Variants in NRXN3 observed in about 807,000 individuals in gnomAD.
NRXN3 encodes the protein neurexin 3.
NRXN3 carries 32 observed loss-of-function variants against 137.6 expected under a neutral mutation model. The ratio of observed to expected loss-of-function variants is 0.23; its 90% CI spans 0.18 to 0.31. NRXN3 has a LOEUF of 0.31. NRXN3 is among the 10% of genes least tolerant of loss of function. The pLI, the probability that NRXN3 is intolerant of heterozygous loss-of-function variation, is 1.00. For missense variants in NRXN3, 1,574 were observed against 2,062.5 expected (o/e 0.76, Z 4.59); for synonymous variants, 798 against 784.5 (o/e 1.02, Z -0.29).
At chr14:78,904,973 T>C (rs921570135) in intron 10 of NRXN3, among the ~76,000 whole-genome samples, 17 of 152,036 alleles carry the variant, frequency 1.1e-4, no homozygotes, top group African/African-American at 3.6e-4. Flanking sequence ...ATTTTCCTCT[T>C]TCAACATGAT....
intron 15 of NRXN3, among the ~76,000 whole-genome samples, chr14:79,043,206 A>G (rs2099627851): frequency 6.6e-6 from 1 of 152,324 alleles, no homozygotes; most frequent in African/African-American, 2.4e-5. Flanking sequence ...TGTACAATTT[A>G]TTGCCCTATG....
chr14:79,059,738 T>G (rs1179430551), intron 15 of NRXN3, among the ~76,000 whole-genome samples: 1 of 152,206 alleles, frequency 6.6e-6, no homozygotes, highest in Non-Finnish European at 1.5e-5. Flanking sequence ...TTCATTTTTG[T>G]AAATTCTCAT....
intron 10 of NRXN3, among the ~76,000 whole-genome samples, chr14:78,874,501 TTG>T (rs2099109039): frequency 6.6e-6 from 1 of 152,078 alleles, no homozygotes; most frequent in South Asian, 2.1e-4. Context: ...TATCTTCCAT[TTG>T]CTACCCACCA....
chr14:79,755,997 C>A (rs1264249862), intron 19 of NRXN3, among the ~76,000 whole-genome samples: 1 of 152,108 alleles, frequency 6.6e-6, no homozygotes, highest in Non-Finnish European at 1.5e-5. Context: ...CATTTACTTT[C>A]TGGCTTCTAC....
chr14:78,905,621 C>T (rs962553486), intron 10 of NRXN3, among the ~76,000 whole-genome samples: 2 of 151,920 alleles, frequency 1.3e-5, no homozygotes, highest in African/African-American at 2.4e-5. Flanking sequence ...CATTTTCTTT[C>T]CCAGCACCTA....
At chr14:78,924,545 G>T (rs972136554) in intron 10 of NRXN3, among the ~76,000 whole-genome samples, 2 of 152,060 alleles carry the variant, frequency 1.3e-5, no homozygotes, top group African/African-American at 4.8e-5. Flanking sequence ...TATTGTCAGA[G>T]TAGAAACATT....
In NRXN3 at chr14:79,532,126, C is replaced by A. The variant is rs79025339; in HGVS notation, c.3444+64724C>A. On this transcript the variant is annotated intron_variant, in intron 16 of 20. Transcript: ENST00000335750. ...CTTCTCTTCTCAATGTTCTGAAAAT[C>A]TTGTGTTCTAAAGGGACTTGAATAA... Among the ~76,000 whole-genome samples the A allele has an allele frequency of 6.4e-3, 969 of 152,212 alleles. 11 individuals carry two copies. Among genetic ancestry groups the A allele is most frequent in the Middle Eastern group, 0.041 (12 of 292 alleles).
At chr14:78,451,738 T>G (rs1320619493) in intron 4 of NRXN3, among the ~76,000 whole-genome samples, 1 of 152,220 alleles carries the variant, frequency 6.6e-6, no homozygotes, top group Non-Finnish European at 1.5e-5. Context: ...AGGACAATGT[T>G]TAACCCAAAG....
chr14:78,414,410 G>A (rs1364218334), intron 4 of NRXN3, among the ~76,000 whole-genome samples: 1 of 152,158 alleles, frequency 6.6e-6, no homozygotes, highest in East Asian at 1.9e-4. Flanking sequence ...GATACATTGT[G>A]TCTAGTCACC....
At chr14:78,850,987 G>A (rs1399008239) in intron 10 of NRXN3, among the ~76,000 whole-genome samples, 1 of 152,136 alleles carries the variant, frequency 6.6e-6, no homozygotes, top group Non-Finnish European at 1.5e-5. Flanking sequence ...AGTATTTTAA[G>A]ATTCTGTATT....
At chr14:78,371,505 T>G (rs1205278125) in intron 4 of NRXN3, among the ~76,000 whole-genome samples, 1 of 152,246 alleles carries the variant, frequency 6.6e-6, no homozygotes, top group Non-Finnish European at 1.5e-5. Context: ...CAGGATGCCC[T>G]GGATGTGGGA....
rs1339010979 is a variant in NRXN3 at position 78,803,700 on chromosome 14, G to A, written c.2125G>A (p.Val709Met). 1.2e-6 allele frequency: 2 copies of A among 1,614,170 alleles called. No individual in the cohort carries two copies. Among genetic ancestry groups the A allele is most frequent in the Non-Finnish European group, 1.7e-6 (2 of 1,180,008 alleles). The change falls in exon 9 of 21, where the codon GTG (valine) becomes ATG (methionine). Residue 709 changes from valine to methionine, a missense_variant. Physicochemically the swap from Val to Met is conservative, Grantham distance 21 (BLOSUM62 1). Around this residue, in one of 5 missense-constraint regions of NRXN3, gnomAD observed 718 missense variants for 887.6 expected, o/e 0.81. Transcript: ENST00000335750. ...PMVMHTEAED[V>M]SFRFMSQRAY... is the part of the protein sequence containing the mutation. ...GGTCATGCATACTGAGGCAGAGGAT[G>A]TGTCCTTCCGCTTCATGTCCCAGCG...
At chr14:78,543,771 T>G (rs1433476172) in intron 4 of NRXN3, among the ~76,000 whole-genome samples, 1 of 152,192 alleles carries the variant, frequency 6.6e-6, no homozygotes, top group Non-Finnish European at 1.5e-5. Flanking sequence ...TGGGAATTAT[T>G]TCTCATTTCG....
At chr14:79,083,146 T>C (rs1000238509) in intron 15 of NRXN3, among the ~76,000 whole-genome samples, 103 of 152,328 alleles carry the variant, frequency 6.8e-4, no homozygotes, top group African/African-American at 2.3e-3. Context: ...TTGTACTAAG[T>C]CTAAGCTTGT....
At chr14:78,492,285 T>G (rs2095683982) in intron 4 of NRXN3, among the ~76,000 whole-genome samples, 1 of 152,158 alleles carries the variant, frequency 6.6e-6, no homozygotes, top group Admixed American at 6.6e-5. Flanking sequence ...GATTTTTTTA[T>G]ATTGAGAAGT....
chr14:79,747,815 C>G (rs958378965), intron 19 of NRXN3, among the ~76,000 whole-genome samples: 3 of 152,056 alleles, frequency 2.0e-5, no homozygotes, highest in African/African-American at 7.2e-5. Context: ...AACTTGGGCC[C>G]TGGAGTCAAA....
At chr14:79,135,124 C>T (rs1295318966) in intron 15 of NRXN3, among the ~76,000 whole-genome samples, 1 of 152,108 alleles carries the variant, frequency 6.6e-6, no homozygotes, top group South Asian at 2.1e-4. Context: ...TGAGACACAT[C>T]TTGACTAAAA....
intron 16 of NRXN3, among the ~76,000 whole-genome samples, chr14:79,469,134 C>CT (rs2153616138): frequency 6.6e-6 from 1 of 152,228 alleles, no homozygotes; most frequent in African/African-American, 2.4e-5. Context: ...GATTTATCTT[C>CT]TTTTTTTGTT....
intron 20 of NRXN3, among the ~76,000 whole-genome samples, chr14:79,845,574 CCGACCCAGAGAGACAG>C (rs1212861004): frequency 1.7e-5 from 2 of 114,644 alleles, no homozygotes; most frequent in African/African-American, 6.6e-5. Flanking sequence ...GAGAGAGAGA[CCGACCCAGAGAGACAG>C]AGAGAGAGAG....
Sources: gnomAD v4.1 joint callset for allele counts (sites outside exome capture counted in the v4.1 genomes callset) on GRCh38, gnomAD v4.1.1 for gene constraint, gnomAD v4.1.1 regional missense constraint, MANE v1.5 for transcripts, NCBI Gene and HGNC (gene_info 2026-07-23, HGNC 2026-07-21) for gene names.